STAT3: variants seen among roughly 807,000 people sequenced by gnomAD.
The protein encoded by STAT3 is DNA-binding protein APRF.
STAT3 carries 7 observed loss-of-function variants against 114.3 expected under a neutral mutation model. The ratio of observed to expected loss-of-function variants is 0.06; its 90% CI spans 0.03 to 0.11. The LOEUF (loss-of-function observed/expected upper bound fraction) is 0.11, where lower values mean the gene tolerates loss of function less well. Among genes scored for constraint, STAT3 ranks in the 10% least tolerant of loss-of-function variants. The pLI, the probability that STAT3 is intolerant of heterozygous loss-of-function variation, is 1.00. For synonymous variants in STAT3, 331 were observed against 354.5 expected, an observed-to-expected ratio of 0.93 and a Z score of 0.74; for missense variants, 364 against 960.9, an observed-to-expected ratio of 0.38 and a Z score of 8.21.
intron 1 of STAT3, among the ~76,000 whole-genome samples, chr17:42,374,452 A>G (rs781085053): frequency 5.9e-5 from 9 of 152,088 alleles, no homozygotes; most frequent in Non-Finnish European, 1.2e-4. Flanking sequence ...TACTAAAAAT[A>G]CAAAAAAATT....
rs780221973 is a variant in STAT3 at position 42,315,736 on chromosome 17, C to T, written c.*9G>A. 33 of 1,613,914 alleles carry T rather than the reference C, an allele frequency of 2.0e-5. No homozygotes were observed. The highest frequency in any genetic ancestry group is 2.7e-5 in the Non-Finnish European group (32 of 1,179,938). On this transcript the variant is annotated 3_prime_UTR_variant, in exon 24 of 24. Coordinates refer to ENST00000264657, the MANE Select transcript of STAT3 (RefSeq NM_139276.3). ...GTCGTATCTTTCTGCAGCTTCCGTTCTCAGCTCCTCACATGGGGGAGGTAG... is the reference window on the plus strand; with the variant it reads ...GTCGTATCTTTCTGCAGCTTCCGTTTTCAGCTCCTCACATGGGGGAGGTAG...
At chr17:42,332,489 G>T (rs1426654578) in intron 10 of STAT3, among the ~76,000 whole-genome samples, 1 of 127,302 alleles carries the variant, frequency 7.9e-6, no homozygotes, top group Non-Finnish European at 1.6e-5. Context: ...AGTGATCCGA[G>T]ATCACACCTC....
At chr17:42,380,374 A>C (rs2084713070) in intron 1 of STAT3, among the ~76,000 whole-genome samples, 1 of 147,974 alleles carries the variant, frequency 6.8e-6, no homozygotes. Flanking sequence ...TTACCACCCT[A>C]ATTATGCTTT....
At chr17:42,321,182 C>T (rs543455112) in intron 21 of STAT3, among the ~76,000 whole-genome samples, 2 of 139,786 alleles carry the variant, frequency 1.4e-5, no homozygotes, top group Non-Finnish European at 1.5e-5. Context: ...TGCAGTGGTG[C>T]GATCATGGCT....
intron 1 of STAT3, chr17:42,374,073 T>C (rs1339418211): frequency 6.6e-6 from 1 of 152,200 alleles, no homozygotes; most frequent in Non-Finnish European, 1.5e-5. Context: ...TTACACATCA[T>C]AGTTTTGCAT....
In STAT3 at chr17:42,334,300, A is replaced by T. The variant is rs17878696; in HGVS notation, c.798-251T>A. 0.075 allele frequency among the ~76,000 whole-genome samples: 11,364 copies of T among 151,954 alleles called. 1,394 individuals are homozygous for T. The highest frequency in any genetic ancestry group is 0.26 in the African/African-American group (10,583 of 41,394). ...GAAAAAATAAATAAAAAAAGAAAAT[A>T]ATTTATTTATTTATTTATTTTTTGA... On this transcript the variant is annotated intron_variant, in intron 8 of 23. Transcript: ENST00000264657.
chr17:42,333,824 C>A lies in STAT3; in HGVS notation c.957-59G>T. ...GCCATGACCAGAAGTCAGCCCGCCT[C>A]TCACTCTACCACGTGAGTCTTTAGG... is the stretch of plus-strand genomic sequence containing the variant. On this transcript the variant is annotated intron_variant, in intron 9 of 23. Transcript: ENST00000264657. This position sits in a 1 kb window ranked among gnomAD's most constrained non-coding sequence, Gnocchi z 5.2. 6.2e-7 allele frequency: 1 copy of A among 1,614,162 alleles called. No homozygotes were observed. The highest frequency in any genetic ancestry group is 8.5e-7 in the Non-Finnish European group (1 of 1,180,004).
intron 1 of STAT3, among the ~76,000 whole-genome samples, chr17:42,349,846 C>T (rs1303172707): frequency 1.3e-5 from 2 of 152,170 alleles, no homozygotes; most frequent in Non-Finnish European, 1.5e-5. Flanking sequence ...CACCTGAGGT[C>T]GGGAGTTTGA....
At chr17:42,369,426 A>G (rs1053346935) in intron 1 of STAT3, among the ~76,000 whole-genome samples, 2 of 152,170 alleles carry the variant, frequency 1.3e-5, no homozygotes, top group Admixed American at 6.6e-5. Context: ...ATAGTATTCC[A>G]CAGTGTATGT....
At chr17:42,374,680 G>A (rs2084357618) in intron 1 of STAT3, among the ~76,000 whole-genome samples, 1 of 150,468 alleles carries the variant, frequency 6.6e-6, no homozygotes, top group Non-Finnish European at 1.5e-5. Context: ...CAATCACTCA[G>A]CCAAAGAGAA....
chr17:42,379,466 C>T (rs1275752182), intron 1 of STAT3, among the ~76,000 whole-genome samples: 2 of 152,206 alleles, frequency 1.3e-5, no homozygotes, highest in East Asian at 3.8e-4. Context: ...TTTGCATGTA[C>T]GCACACACAC....
chr17:42,349,070 C>A lies in STAT3; in HGVS notation c.-23-531G>T, dbSNP rs181879994. Reference sequence around the variant, plus strand: ...TGTTTCGTGAGACAAACAAAACATGCCCAGGCTGGTCTTGAACTCCTGGGC... The same window carrying A: ...TGTTTCGTGAGACAAACAAAACATGACCAGGCTGGTCTTGAACTCCTGGGC... On this transcript the variant is annotated intron_variant, in intron 1 of 23. Transcript: ENST00000264657. Among the ~76,000 whole-genome samples the A allele has an allele frequency of 5.9e-5, 9 of 152,162 alleles. No homozygotes were observed. In the East Asian group the frequency reaches 1.7e-3, roughly 29 times the overall value.
intron 1 of STAT3, chr17:42,386,955 T>C (rs2085137852): frequency 6.6e-6 from 1 of 152,194 alleles, no homozygotes; most frequent in South Asian, 2.1e-4. Flanking sequence ...AACACAGACA[T>C]ATTTAATATA....
intron 4 of STAT3, among the ~76,000 whole-genome samples, chr17:42,345,169 G>T (rs1320807426): frequency 6.6e-6 from 1 of 151,850 alleles, no homozygotes; most frequent in Non-Finnish European, 1.5e-5. Context: ...TGAGGCTGAG[G>T]CAGGAGAATC....
chr17:42,376,720 C>T (rs936426819), intron 1 of STAT3, among the ~76,000 whole-genome samples: 3 of 151,910 alleles, frequency 2.0e-5, no homozygotes, highest in African/African-American at 7.3e-5. Flanking sequence ...GTGACGGGCG[C>T]CTGTAGTCCC....
chr17:42,352,184 CAA>C (rs2082998970), intron 1 of STAT3, among the ~76,000 whole-genome samples: 1 of 151,934 alleles, frequency 6.6e-6, no homozygotes, highest in Non-Finnish European at 1.5e-5. Context: ...ACTAAAAATA[CAA>C]AAATTAGCCG....
At chr17:42,330,314 C>G (rs1457229658) in intron 11 of STAT3, among the ~76,000 whole-genome samples, 1 of 151,958 alleles carries the variant, frequency 6.6e-6, no homozygotes, top group Non-Finnish European at 1.5e-5. Context: ...CAAGGTTTCT[C>G]CATGTTGGTC....
At position 42,324,304 on chromosome 17, in the gene STAT3, G is replaced by A. The variant is rs1221761557; in HGVS notation, c.1600+407C>T. Among the ~76,000 whole-genome samples the A allele has an allele frequency of 6.6e-6, 1 of 151,898 alleles. No individual in the cohort carries two copies. Among genetic ancestry groups the A allele is most frequent in the Non-Finnish European group, 1.5e-5 (1 of 68,010 alleles). On this transcript the variant is annotated intron_variant, in intron 17 of 23. Coordinates refer to ENST00000264657, the MANE Select transcript of STAT3 (RefSeq NM_139276.3). This position sits in a 1 kb window ranked among gnomAD's most constrained non-coding sequence, Gnocchi z 4.5. ...ACTGCACTCCAGCCTGGGCAACAGA[G>A]CAAGACTCGTCTCAAAAAAATAAAT... is the stretch of plus-strand genomic sequence containing the variant.
chr17:42,334,622 T>G (rs1295643531), intron 8 of STAT3, among the ~76,000 whole-genome samples: 1 of 152,072 alleles, frequency 6.6e-6, no homozygotes, highest in Non-Finnish European at 1.5e-5. Flanking sequence ...TTTTTGCATT[T>G]TTAGTAGAGA....
Sources: gnomAD v4.1 joint callset for allele counts (sites outside exome capture counted in the v4.1 genomes callset) on GRCh38, gnomAD v4.1.1 for gene constraint, Gnocchi (gnomAD v3.1) non-coding constraint, MANE v1.5 for transcripts, NCBI Gene and HGNC (gene_info 2026-07-23, HGNC 2026-07-21) for gene names.